LMNTD1: variants seen among roughly 807,000 people sequenced by gnomAD.
The protein encoded by LMNTD1 is lamin tail domain containing 1.
Under a neutral mutation model 50.9 loss-of-function variants are expected in LMNTD1, and 35 were observed. The ratio of observed to expected loss-of-function variants is 0.69; its 90% CI spans 0.53 to 0.91. The LOEUF (loss-of-function observed/expected upper bound fraction) is 0.91, where lower values mean the gene tolerates loss of function less well. Ranked by LOEUF, LMNTD1 falls within the 40% of genes least tolerant of loss-of-function variation. The pLI, the probability that LMNTD1 is intolerant of heterozygous loss-of-function variation, is 0.00. For missense variants in LMNTD1, 470 were observed against 475.5 expected, an observed-to-expected ratio of 0.99 and a Z score of 0.11; for synonymous variants, 153 against 161.9, an observed-to-expected ratio of 0.94 and a Z score of 0.42.
intron 1 of LMNTD1, among the ~76,000 whole-genome samples, chr12:25,590,433 G>A (rs1945661895): frequency 6.6e-6 from 1 of 152,154 alleles, no homozygotes; most frequent in South Asian, 2.1e-4. Context: ...GCAGGCTAAA[G>A]TGCTCTGGGG....
chr12:25,557,292 G>A (rs1489188583), upstream of LMNTD1: 1 of 152,164 alleles, frequency 6.6e-6, no homozygotes, highest in Non-Finnish European at 1.5e-5. Context: ...AGAGAGGCTA[G>A]AGGACATGTA....
chr12:25,619,673 A>G (rs192529172), intron 1 of LMNTD1, among the ~76,000 whole-genome samples: 1 of 152,314 alleles, frequency 6.6e-6, no homozygotes, highest in Admixed American at 6.5e-5. Flanking sequence ...CCATTTTCCC[A>G]AAGCCAATTC....
In LMNTD1 at chr12:25,476,395, A is replaced by G. The variant is rs926983936; in HGVS notation, c.*88T>C. 11 of 152,196 alleles carry G rather than the reference A, an allele frequency of 7.2e-5. No homozygotes were observed. The highest frequency in any genetic ancestry group is 2.7e-4 in the African/African-American group (11 of 41,454). The allele number at this position is 152,196 out of a possible 1,614,324, so 9.4% of individuals were successfully genotyped here. ...TCATGGAATAGCAGGGAGGTTGCAG[A>G]GCAGGCCTCAGGGATTTGAGTTCTC... On this transcript the variant is annotated 3_prime_UTR_variant, in exon 10 of 10. Transcript: ENST00000458174.
At chr12:25,520,364 G>T (rs1271202965) in intron 6 of LMNTD1, among the ~76,000 whole-genome samples, 1 of 151,084 alleles carries the variant, frequency 6.6e-6, no homozygotes, top group African/African-American at 2.4e-5. Flanking sequence ...TATATCCTTT[G>T]ACCTACATCT....
At chr12:25,526,359 G>A in intron 5 of LMNTD1, 141 bp from the exon 6 acceptor site, 1 of 767,188 alleles carries the variant, frequency 1.3e-6, no homozygotes. Flanking sequence ...GTCAAGCTAT[G>A]CAACACCAAA....
Position 25,526,779 on chromosome 12 carries a change from G to T in LMNTD1, c.668C>A (p.Ser223Tyr). The change falls in exon 5 of 10, where the codon TCC becomes TAC. Residue 223 changes from serine (S) to tyrosine (Y), a missense_variant. Physicochemically the swap from Ser to Tyr is moderately radical, Grantham distance 144. Coordinates refer to ENST00000458174, the MANE Select transcript of LMNTD1 (RefSeq NM_001145728.2). ...TACTCTTATACTCACTGTTACTGTG[G>T]AATTTGCCTGCATTACGATGTTTGG... ...FLPNIVMQAN[S>Y]TVTVWAAASE... 1 of 1,605,802 alleles carries T rather than the reference G, an allele frequency of 6.2e-7. No homozygotes were observed. Among genetic ancestry groups the T allele is most frequent in the South Asian group, 1.1e-5 (1 of 89,494 alleles).
At chr12:25,508,130 A>C (rs900093402) in intron 8 of LMNTD1, among the ~76,000 whole-genome samples, 1 of 152,158 alleles carries the variant, frequency 6.6e-6, no homozygotes, top group Non-Finnish European at 1.5e-5. Flanking sequence ...TTTAAAATAA[A>C]ATGTATTTAA....
chr12:25,548,522 CA>C (rs1212144560), intron 3 of LMNTD1, among the ~76,000 whole-genome samples: 1 of 151,894 alleles, frequency 6.6e-6, no homozygotes, highest in African/African-American at 2.4e-5. Context: ...AGGTAATTTT[CA>C]TAAATATTTA....
intron 1 of LMNTD1, among the ~76,000 whole-genome samples, chr12:25,611,582 C>T (rs1946244300): frequency 6.6e-6 from 1 of 152,178 alleles, no homozygotes; most frequent in African/African-American, 2.4e-5. Flanking sequence ...CATTTGAGAA[C>T]ATTTACAGTA....
At chr12:25,612,328 A>ACACACACGCGCG (rs34069424) in intron 1 of LMNTD1, among the ~76,000 whole-genome samples, 5 of 146,418 alleles carry the variant, frequency 3.4e-5, no homozygotes, top group South Asian at 2.2e-4. Context: ...ACACACACAC[A>ACACACACGCGCG]CGCGCTCCCA....
chr12:25,501,144 A>T (rs1939365401), intron 9 of LMNTD1, among the ~76,000 whole-genome samples: 1 of 151,952 alleles, frequency 6.6e-6, no homozygotes, highest in South Asian at 2.1e-4. Context: ...AATGTGCAAC[A>T]ATGCCCAGCT....
At chr12:25,560,405 T>C (rs1352611374) in intron 1 of LMNTD1, among the ~76,000 whole-genome samples, 1 of 152,194 alleles carries the variant, frequency 6.6e-6, no homozygotes, top group Non-Finnish European at 1.5e-5. Flanking sequence ...GATCTATATC[T>C]CTGTTTTGGT....
chr12:25,509,109 T>C (rs1270038487), intron 8 of LMNTD1, among the ~76,000 whole-genome samples: 1 of 152,210 alleles, frequency 6.6e-6, no homozygotes, highest in Non-Finnish European at 1.5e-5. Context: ...GTATGACATA[T>C]ATCTTTTTGT....
chr12:25,613,902 C>T (rs1946297480), intron 1 of LMNTD1, among the ~76,000 whole-genome samples: 1 of 151,674 alleles, frequency 6.6e-6, no homozygotes, highest in African/African-American at 2.4e-5. Flanking sequence ...AAGCAGATTC[C>T]TAAATACAGC....
intron 1 of LMNTD1, among the ~76,000 whole-genome samples, chr12:25,617,906 A>G (rs1192708722): frequency 6.6e-6 from 1 of 152,212 alleles, no homozygotes; most frequent in African/African-American, 2.4e-5. Context: ...AGTAATGAAG[A>G]TGCACTGTTC....
chr12:25,609,530 T>A (rs1354941051), intron 1 of LMNTD1, among the ~76,000 whole-genome samples: 3 of 152,232 alleles, frequency 2.0e-5, no homozygotes, highest in Non-Finnish European at 2.9e-5. Flanking sequence ...TTTGTTGATG[T>A]TGATGCTATT....
chr12:25,518,150 A>T (rs1284888214), intron 8 of LMNTD1, among the ~76,000 whole-genome samples: 1 of 152,196 alleles, frequency 6.6e-6, no homozygotes, highest in African/African-American at 2.4e-5. Flanking sequence ...GCTTTCTCCA[A>T]TAGTTGAGTC....
At chr12:25,525,019 G>T (rs919063991) in intron 6 of LMNTD1, among the ~76,000 whole-genome samples, 1 of 152,158 alleles carries the variant, frequency 6.6e-6, no homozygotes, top group African/African-American at 2.4e-5. Flanking sequence ...GAAACTCAGA[G>T]ATAGATTCTT....
At chr12:25,607,481 A>G (rs1946140383) in intron 1 of LMNTD1, among the ~76,000 whole-genome samples, 1 of 152,108 alleles carries the variant, frequency 6.6e-6, no homozygotes, top group Non-Finnish European at 1.5e-5. Flanking sequence ...AGTGCTATAA[A>G]TTTCCCTCTA....
Sources: allele counts gnomAD v4.1 joint callset (sites outside exome capture counted in the v4.1 genomes callset), GRCh38; gene constraint gnomAD v4.1.1; transcripts MANE v1.5; gene names NCBI Gene and HGNC (gene_info 2026-07-23, HGNC 2026-07-21).